The following ANO10 variants were observed in gnomAD, a reference collection of about 807,000 sequenced individuals.
ANO10 encodes anoctamin 10, also known as anoctamin-10.
In ANO10, 77 loss-of-function variants were observed where a neutral mutation model predicts 74.7. The ratio of observed to expected loss-of-function variants is 1.03; its 90% CI spans 0.86 to 1.25. The LOEUF (loss-of-function observed/expected upper bound fraction) is 1.25, where lower values mean the gene tolerates loss of function less well. Ranked by LOEUF, ANO10 falls within the 50% of genes most tolerant of loss-of-function variation. The pLI is 0.00. For missense variants in ANO10, 721 were observed against 778.1 expected, an observed-to-expected ratio of 0.93 and a Z score of 0.87; for synonymous variants, 279 against 284.9, an observed-to-expected ratio of 0.98 and a Z score of 0.21.
chr3:43,663,174 C>T (rs1051052297), intron 1 of ANO10, among the ~76,000 whole-genome samples: 1 of 152,182 alleles, frequency 6.6e-6, no homozygotes, highest in African/African-American at 2.4e-5. Context: ...TCCAGTAGCA[C>T]ATCAAAAAGC....
chr3:43,659,265 G>A (rs571700715), intron 1 of ANO10, among the ~76,000 whole-genome samples: 122 of 152,306 alleles, frequency 8.0e-4, no homozygotes, highest in South Asian at 2.3e-3. Context: ...CACCTCACCC[G>A]AGAAGTGCAA....
At chr3:43,441,176 T>A (rs2093153266) in intron 11 of ANO10, among the ~76,000 whole-genome samples, 5 of 144,742 alleles carry the variant, frequency 3.5e-5, no homozygotes, top group African/African-American at 7.7e-5. Flanking sequence ...AGAAAGGAAA[T>A]AATAAAGATG....
At chr3:43,420,434 C>G (rs976939430) in intron 12 of ANO10, among the ~76,000 whole-genome samples, 4 of 151,642 alleles carry the variant, frequency 2.6e-5, no homozygotes, top group African/African-American at 7.3e-5. Flanking sequence ...GCCTGGGCAA[C>G]AGAGCCAGAC....
intron 11 of ANO10, among the ~76,000 whole-genome samples, chr3:43,445,208 C>A (rs537343219): frequency 6.6e-6 from 1 of 151,720 alleles, no homozygotes; most frequent in African/African-American, 2.4e-5. Context: ...AACCAGAGCT[C>A]CTTGGAAAAA....
At chr3:43,496,258 C>T (rs2076910462) in intron 11 of ANO10, among the ~76,000 whole-genome samples, 1 of 152,052 alleles carries the variant, frequency 6.6e-6, no homozygotes, top group South Asian at 2.1e-4. Context: ...AAAAGCTGGA[C>T]CATGTGGAAT....
chr3:43,482,026 TTAAG>T (rs771133827), intron 11 of ANO10, among the ~76,000 whole-genome samples: 18 of 151,354 alleles, frequency 1.2e-4, no homozygotes, highest in Non-Finnish European at 2.1e-4. Flanking sequence ...CCTCCTGGGT[TTAAG>T]TAATTCTCCT....
At chr3:43,399,090 A>G (rs1291669449) in intron 12 of ANO10, among the ~76,000 whole-genome samples, 12 of 152,244 alleles carry the variant, frequency 7.9e-5, no homozygotes, top group Non-Finnish European at 2.9e-5. Context: ...GAACTTCAAA[A>G]GTGCTGGGAT....
intron 11 of ANO10, among the ~76,000 whole-genome samples, chr3:43,516,786 G>A (rs899519852): frequency 3.9e-5 from 6 of 152,184 alleles, no homozygotes; most frequent in African/African-American, 1.2e-4. Flanking sequence ...AAGGAAAAGA[G>A]CACAGCTGAA....
Position 43,366,834 on chromosome 3 carries a change from C to T in ANO10, c.*72G>A. 6.9e-7 allele frequency: 1 copy of T among 1,455,436 alleles called. No homozygotes were observed. The highest frequency in any genetic ancestry group is 9.4e-7 in the Non-Finnish European group (1 of 1,060,810). The allele number at this position is 1,455,436 out of a possible 1,614,324, so 90.2% of individuals were successfully genotyped here. ...GAGCCACGATGCTGCCCCGGGTACC[C>T]CCCCTGCCACCGTGGCAGGTGTGGC... On this transcript the variant is annotated 3_prime_UTR_variant, in exon 13 of 13. Coordinates refer to ENST00000292246, the MANE Select transcript of ANO10 (RefSeq NM_018075.5).
chr3:43,674,963 G>C (rs1468786454), intron 1 of ANO10, among the ~76,000 whole-genome samples: 3 of 152,130 alleles, frequency 2.0e-5, no homozygotes, highest in Non-Finnish European at 4.4e-5. Flanking sequence ...CACTGCAGCT[G>C]GGGCAATAAA....
chr3:43,574,141 G>C (rs1410713214), intron 7 of ANO10, among the ~76,000 whole-genome samples: 1 of 151,912 alleles, frequency 6.6e-6, no homozygotes, highest in African/African-American at 2.4e-5. Flanking sequence ...TTATGGTAGA[G>C]ACAGGTTTTC....
At chr3:43,691,171 C>T (rs1463951731) in intron 1 of ANO10, 3 of 914,312 alleles carry the variant, frequency 3.3e-6, no homozygotes, top group Non-Finnish European at 4.4e-6. Context: ...CTCGACCCTC[C>T]CCGGCATGAG....
At position 43,577,193 on chromosome 3, in the gene ANO10, CA is replaced by C; in HGVS notation, c.660del (p.Phe220LeufsTer3). The C allele has an allele frequency of 6.2e-7, 1 of 1,614,090 alleles. No individual in the cohort carries two copies. Among genetic ancestry groups the C allele is most frequent in the Non-Finnish European group, 8.5e-7 (1 of 1,180,014 alleles). On this transcript the variant is annotated frameshift_variant, in exon 6 of 13. Coordinates refer to ENST00000292246, the MANE Select transcript of ANO10 (RefSeq NM_018075.5). LOFTEE classifies it high-confidence loss of function. ...CCAATGACAGCCATGGGGATTAATGCAAAAGTGAAATACTCCAAAAATCCAA... is the reference window on the plus strand; with the variant it reads ...CCAATGACAGCCATGGGGATTAATGCAAAGTGAAATACTCCAAAAATCCAA... ...LYFGFLEYFT[F>X]ALIPMAVIGL... is the part of the protein sequence containing the mutation.
At chr3:43,659,962 A>T (rs2149572459) in intron 1 of ANO10, among the ~76,000 whole-genome samples, 1 of 152,338 alleles carries the variant, frequency 6.6e-6, no homozygotes, top group Non-Finnish European at 1.5e-5. Context: ...GTGGACATCC[A>T]GCAGATGTCC....
chr3:43,429,243 A>C (rs2092945557), intron 12 of ANO10, among the ~76,000 whole-genome samples: 1 of 152,150 alleles, frequency 6.6e-6, no homozygotes, highest in South Asian at 2.1e-4. Context: ...GGTGGTGGTG[A>C]GGGAGGTTCA....
intron 1 of ANO10, among the ~76,000 whole-genome samples, chr3:43,606,902 C>T (rs1006456214): frequency 6.6e-6 from 1 of 152,154 alleles, no homozygotes; most frequent in Admixed American, 6.6e-5. Flanking sequence ...CACTCACATA[C>T]ATATATATGT....
intron 1 of ANO10, among the ~76,000 whole-genome samples, chr3:43,684,307 G>T (rs941515034): frequency 3.3e-5 from 5 of 152,332 alleles, no homozygotes; most frequent in African/African-American, 1.2e-4. Flanking sequence ...AGACATTTAT[G>T]CAGCCAAAAG....
intron 11 of ANO10, among the ~76,000 whole-genome samples, chr3:43,538,314 C>T (rs1485767293): frequency 4.6e-5 from 7 of 151,964 alleles, no homozygotes; most frequent in Non-Finnish European, 1.0e-4. Context: ...AGCATTTTAA[C>T]TGAGGAAAAA....
chr3:43,579,094 G>GA (rs944675696), intron 5 of ANO10, among the ~76,000 whole-genome samples: 41 of 149,464 alleles, frequency 2.7e-4, no homozygotes, highest in African/African-American at 8.6e-4. Context: ...GTCCTTTAAA[G>GA]AAAAAAAAAT....
Sources: allele counts gnomAD v4.1 joint callset (sites outside exome capture counted in the v4.1 genomes callset), GRCh38; gene constraint gnomAD v4.1.1; transcripts MANE v1.5; gene names NCBI Gene and HGNC (gene_info 2026-07-23, HGNC 2026-07-21).